Variants in FBXO3 observed in about 807,000 individuals in gnomAD.
FBXO3 encodes the protein F-box only protein 3.
A neutral mutation model predicts 64.8 loss-of-function variants in FBXO3; 17 were observed. That is an observed-to-expected ratio of 0.26 (90% CI 0.18 to 0.39). The LOEUF (loss-of-function observed/expected upper bound fraction) is 0.39, where lower values mean the gene tolerates loss of function less well. Among genes scored for constraint, FBXO3 ranks in the 10% least tolerant of loss-of-function variants. The probability of loss-of-function intolerance (pLI) is 1.00; values close to 1 mark genes in which losing one functional copy is unlikely to be tolerated. For missense variants in FBXO3, 420 were observed against 589.9 expected, an observed-to-expected ratio of 0.71 and a Z score of 2.98; for synonymous variants, 182 against 201.6, an observed-to-expected ratio of 0.90 and a Z score of 0.82.
intron 6 of FBXO3, chr11:33,753,035 T>C (rs1031901811): frequency 6.6e-6 from 1 of 152,214 alleles, no homozygotes; most frequent in African/African-American, 2.4e-5. Context: ...CACCAGGATA[T>C]GCCATTTTGT....
chr11:33,748,078 C>CA (rs1854863440), intron 9 of FBXO3, among the ~76,000 whole-genome samples: 1 of 152,026 alleles, frequency 6.6e-6, no homozygotes, highest in South Asian at 2.1e-4. Context: ...TCAGACCAGA[C>CA]AAAATGGCAC....
At chr11:33,756,592 A>G (rs1302449312) in intron 4 of FBXO3, among the ~76,000 whole-genome samples, 1 of 152,176 alleles carries the variant, frequency 6.6e-6, no homozygotes, top group African/African-American at 2.4e-5. Flanking sequence ...GTTCTGGGCA[A>G]CTCTTCTAAC....
intron 3 of FBXO3, among the ~76,000 whole-genome samples, chr11:33,766,797 C>T (rs1390922654): frequency 1.3e-5 from 2 of 152,022 alleles, no homozygotes; most frequent in African/African-American, 2.4e-5. Context: ...TTTTAAAATT[C>T]GTAAGCCTAG....
intron 1 of FBXO3, chr11:33,773,204 C>A (rs1855554010): frequency 6.6e-6 from 1 of 152,074 alleles, no homozygotes; most frequent in Non-Finnish European, 1.5e-5. Context: ...AGAATGACAA[C>A]CAGATGTGTC....
chr11:33,770,991 A>C, intron 1 of FBXO3, 161 bp from the exon 2 acceptor site: 1 of 539,724 alleles, frequency 1.9e-6, no homozygotes, highest in Non-Finnish European at 3.2e-6. Flanking sequence ...CCTGTTTAAC[A>C]TGTTAAGTAG....
At chr11:33,746,774 GTTTA>G in intron 10 of FBXO3, 1 of 1,407,548 alleles carries the variant, frequency 7.1e-7, no homozygotes. Flanking sequence ...TGGAATATTT[GTTTA>G]TTTGACATTA....
chr11:33,750,751 T>G, intron 7 of FBXO3, 90 bp from the exon 8 acceptor site: 2 of 1,214,756 alleles, frequency 1.6e-6, no homozygotes, highest in South Asian at 3.0e-5. Flanking sequence ...GACAAAAAAT[T>G]TAAATCATAT....
At position 33,755,719 on chromosome 11, in the gene FBXO3, A is replaced by G. The variant is rs1855079395; in HGVS notation, c.678+52T>C. 2.5e-5 allele frequency: 34 copies of G among 1,339,188 alleles called. No individual in the cohort carries two copies. In the South Asian group the frequency reaches 3.6e-4, roughly 14 times the overall value. 83.0% of individuals were successfully genotyped at this position (1,339,188 alleles called of 1,614,324 possible). On this transcript the variant is annotated intron_variant, in intron 5 of 10. Coordinates refer to ENST00000265651, the MANE Select transcript of FBXO3 (RefSeq NM_012175.4). ...GAAAATACCTAATGCATGCATTTATACAACCATCAGAACACATCTTAATGC... is the reference window on the plus strand; with the variant it reads ...GAAAATACCTAATGCATGCATTTATGCAACCATCAGAACACATCTTAATGC...
intron 3 of FBXO3, among the ~76,000 whole-genome samples, chr11:33,758,823 C>T (rs1358141485): frequency 1.3e-5 from 2 of 152,050 alleles, no homozygotes; most frequent in Non-Finnish European, 2.9e-5. Context: ...CTTAGTAAAA[C>T]ATGGAAAGTG....
intron 9 of FBXO3, among the ~76,000 whole-genome samples, chr11:33,747,675 C>A (rs7938603): frequency 0.31 from 47,316 of 151,876 alleles, 7,827 homozygotes; most frequent in East Asian, 0.51. Context: ...TGATGCCCAG[C>A]TCATTTTTGT....
At chr11:33,757,147 A>G (rs1213687236) in intron 4 of FBXO3, 1 of 508,092 alleles carries the variant, frequency 2.0e-6, no homozygotes, top group African/African-American at 1.9e-5. Context: ...CTTCACATAC[A>G]AAGGAACACC....
chr11:33,757,575 T>C (rs182407891), intron 4 of FBXO3, among the ~76,000 whole-genome samples: 1 of 135,568 alleles, frequency 7.4e-6, no homozygotes, highest in East Asian at 2.1e-4. Context: ...CCCCAGCTAC[T>C]TGGGAGGCAG....
At chr11:33,751,453 ATGATCTG>A (rs2133599470) in intron 7 of FBXO3, 63 bp downstream of exon 7, 1 of 1,032,868 alleles carries the variant, frequency 9.7e-7, no homozygotes, top group African/African-American at 1.6e-5. Flanking sequence ...ACTTCATTTC[ATGATCTG>A]TGACTTATCA....
chr11:33,759,997 G>A (rs1855202874), intron 3 of FBXO3, among the ~76,000 whole-genome samples: 1 of 152,284 alleles, frequency 6.6e-6, no homozygotes, highest in Non-Finnish European at 1.5e-5. Context: ...GACAAAAAGG[G>A]ACGGAAAAAC....
chr11:33,768,442 A>G (rs979956268), intron 3 of FBXO3, among the ~76,000 whole-genome samples: 2 of 152,212 alleles, frequency 1.3e-5, no homozygotes, highest in African/African-American at 4.8e-5. Flanking sequence ...ATATTAGACT[A>G]TCAGACATTT....
At chr11:33,771,431 G>A (rs1464487) in intron 1 of FBXO3, 52,680 of 152,096 alleles carry the variant, frequency 0.35, 9,374 homozygotes, top group Middle Eastern at 0.55. Context: ...AACATCGAAT[G>A]TTAGAAGCAA....
chr11:33,758,215 C>A (rs1383273731), intron 4 of FBXO3, among the ~76,000 whole-genome samples: 2 of 152,102 alleles, frequency 1.3e-5, no homozygotes, highest in East Asian at 1.9e-4. Flanking sequence ...ATCGCACATA[C>A]CTTTACTGTA....
chr11:33,746,764 T>C (rs1343555969), intron 10 of FBXO3: 4 of 1,417,236 alleles, frequency 2.8e-6, no homozygotes, highest in Non-Finnish European at 2.7e-6. Flanking sequence ...ATGATCTTTA[T>C]GGAATATTTG....
In FBXO3 at chr11:33,750,561, A is replaced by G; in HGVS notation, c.910T>C (p.Tyr304His). 2 of 1,613,914 alleles carry G rather than the reference A, an allele frequency of 1.2e-6. No individual in the cohort carries two copies. The highest frequency in any genetic ancestry group is 1.7e-6 in the Non-Finnish European group (2 of 1,179,864). Reference sequence around the variant, plus strand: ...CACCTGATTCGGTATGTGAAGAAATAGTGGGGTGGATGTACAGAGCTAAGT... The same window carrying G: ...CACCTGATTCGGTATGTGAAGAAATGGTGGGGTGGATGTACAGAGCTAAGT... ...PELSSVHPPHYFFTYRIRIEM... is the reference protein window; with the variant it reads ...PELSSVHPPHHFFTYRIRIEM... The change falls in exon 8 of 11, where the codon TAT (tyrosine) becomes CAT (histidine). Residue 304 changes from tyrosine (Y) to histidine (H), a missense_variant. This residue lies in a region of FBXO3 where 337 missense variants were observed against 518.4 expected (regional missense o/e 0.65). Transcript: ENST00000265651.
Sources: gnomAD v4.1 joint callset for allele counts (sites outside exome capture counted in the v4.1 genomes callset) on GRCh38, gnomAD v4.1.1 for gene constraint, gnomAD v4.1.1 regional missense constraint, MANE v1.5 for transcripts, NCBI Gene and HGNC (gene_info 2026-07-23, HGNC 2026-07-21) for gene names.